Variants in PP2D1 observed in about 807,000 individuals in gnomAD.
PP2D1 encodes the protein protein phosphatase 2C like domain containing 1.
Under a neutral mutation model 30.2 loss-of-function variants are expected in PP2D1, and 25 were observed. The observed-to-expected ratio is 0.83, with a 90% CI of 0.60 to 1.16. The LOEUF (loss-of-function observed/expected upper bound fraction) is 1.16. Among genes scored for constraint, PP2D1 ranks in the 50% most tolerant of loss-of-function variants. The probability of loss-of-function intolerance (pLI) is 0.00; values close to 1 mark genes in which losing one functional copy is unlikely to be tolerated. For synonymous variants in PP2D1, 260 were observed against 258.9 expected (o/e 1.00, Z -0.04); for missense variants, 760 against 742.4 (o/e 1.02, Z -0.28).
At chr3:19,985,081 T>A (rs921316778), downstream of PP2D1, 6 of 280,362 alleles carry the variant, frequency 2.1e-5, no homozygotes, top group Admixed American at 1.4e-4. Context: ...GGAGAACTTG[T>A]ACATTTATGA....
At chr3:19,987,657 C>T (rs1234986294) in intron 2 of PP2D1, among the ~76,000 whole-genome samples, 13 of 152,090 alleles carry the variant, frequency 8.5e-5, no homozygotes, top group Admixed American at 8.5e-4. Context: ...CACCTGTAAT[C>T]GCCACTCTTT....
intron 2 of PP2D1, among the ~76,000 whole-genome samples, chr3:19,997,432 T>C (rs192480404): frequency 6.7e-4 from 102 of 151,624 alleles, no homozygotes; most frequent in African/African-American, 2.3e-3. Context: ...TGTATTTTTG[T>C]TCCCCCCAAA....
downstream of PP2D1, among the ~76,000 whole-genome samples, chr3:19,983,420 G>A (rs770275601): frequency 6.6e-6 from 1 of 151,232 alleles, no homozygotes; most frequent in Non-Finnish European, 1.5e-5. Context: ...TGAGTGAATC[G>A]GTATAGAGAA....
chr3:19,985,546 TC>T lies in PP2D1; in HGVS notation c.1726del (p.Asp576MetfsTer27). Reference protein sequence around the residue: ...KVTDRPTSVNDVATNEKESDT... With the variant: ...KVTDRPTSVNXVATNEKESDT... The stretch of plus-strand genomic sequence containing the variant: ...TGATTCTTTTTCATTTGTTGCCACA[TC>T]ATTTACACTAGTTGGTCTGTCAGTT... On this transcript the variant is annotated frameshift_variant, in exon 3 of 3. Coordinates refer to ENST00000389050, the MANE Select transcript of PP2D1 (RefSeq NM_001252657.2). LOFTEE classifies it low-confidence loss of function (END_TRUNC). 1 of 1,536,116 alleles carries T rather than the reference TC, an allele frequency of 6.5e-7. No individual in the cohort carries two copies. The highest frequency in any genetic ancestry group is 8.7e-7 in the Non-Finnish European group (1 of 1,146,866).
Position 20,001,205 on chromosome 3 carries a change from G to A in PP2D1, c.915C>T (p.Ser305=), listed in dbSNP as rs765790338. ...CAGAGCAGCCACTCCATTGAACCCT[G>A]GACACTTCTTTTCTTCCAAGACCTA... ...RLLGLGRKEV[S]RVQWSGCSAV... The change falls in exon 2 of 3, where the codon TCC becomes TCT. Residue 305 remains serine, a synonymous_variant. Coordinates refer to ENST00000389050, the MANE Select transcript of PP2D1 (RefSeq NM_001252657.2). The A allele has an allele frequency of 1.4e-4, 220 of 1,533,632 alleles. No individual in the cohort carries two copies. Among genetic ancestry groups the A allele is most frequent in the Non-Finnish European group, 1.8e-4 (211 of 1,145,908 alleles).
At chr3:19,983,792 A>T, downstream of PP2D1, 1 of 1,610,978 alleles carries the variant, frequency 6.2e-7, no homozygotes, top group Non-Finnish European at 8.5e-7. Flanking sequence ...GAACCCACAC[A>T]ACCAACCAGG....
Position 19,992,364 on chromosome 3 carries a change from G to A in PP2D1, c.1091-6182C>T, listed in dbSNP as rs1697128992. On this transcript the variant is annotated intron_variant, in intron 2 of 2. Transcript: ENST00000389050. ...CTCAGCACCACCATCAAAAAAAACG[G>A]AGAAGGGGAAGGGAAGGTATATAAA... Among the ~76,000 whole-genome samples the A allele has an allele frequency of 1.3e-5, 2 of 152,166 alleles. 1 individual carries two copies. Among genetic ancestry groups the A allele is most frequent in the South Asian group, 4.1e-4 (2 of 4,824 alleles).
downstream of PP2D1, among the ~76,000 whole-genome samples, chr3:19,981,980 C>T (rs1257158295): frequency 6.6e-6 from 1 of 152,062 alleles, no homozygotes; most frequent in Admixed American, 6.6e-5. Flanking sequence ...AGGTGGCTCA[C>T]TCCTATAATC....
intron 1 of PP2D1, among the ~76,000 whole-genome samples, chr3:20,005,450 C>A (rs1697307628): frequency 6.6e-6 from 1 of 152,132 alleles, no homozygotes; most frequent in African/African-American, 2.4e-5. Context: ...CTGTGCCCAG[C>A]CATAAATATT....
intron 1 of PP2D1, among the ~76,000 whole-genome samples, chr3:20,002,960 C>G (rs762972794): frequency 2.6e-5 from 4 of 151,888 alleles, no homozygotes; most frequent in Non-Finnish European, 4.4e-5. Context: ...GAGGCTGAGG[C>G]AGGAGAATTG....
At chr3:19,985,306 AATC>A (rs1697011525), downstream of PP2D1, 1 of 1,040,072 alleles carries the variant, frequency 9.6e-7, no homozygotes, top group Admixed American at 2.8e-5. Flanking sequence ...GGTATTGATG[AATC>A]ATCCTAATAG....
chr3:19,985,348 TTGGTGCTC>T lies in PP2D1; in HGVS notation c.*24_*31del. The T allele has an allele frequency of 2.2e-6, 3 of 1,387,018 alleles. No individual in the cohort carries two copies. Among genetic ancestry groups the T allele is most frequent in the South Asian group, 2.7e-5 (2 of 73,358 alleles). 85.9% of individuals were successfully genotyped at this position (1,387,018 alleles called of 1,614,324 possible). On this transcript the variant is annotated 3_prime_UTR_variant, in exon 3 of 3. Coordinates refer to ENST00000389050, the MANE Select transcript of PP2D1 (RefSeq NM_001252657.2). ...GATCATTGAAGAATCACTTTATATT[TTGGTGCTC>T]TGGATAATTGGAACTTTATTTTTTT...
downstream of PP2D1, chr3:19,984,290 C>A: frequency 2.3e-6 from 1 of 429,846 alleles, no homozygotes; most frequent in Non-Finnish European, 4.6e-6. Flanking sequence ...TTCATTTCTC[C>A]TGGTACCTGT....
chr3:19,982,184 G>C (rs1287664039), downstream of PP2D1, among the ~76,000 whole-genome samples: 4 of 152,128 alleles, frequency 2.6e-5, no homozygotes, highest in Non-Finnish European at 5.9e-5. Context: ...GCTGCAGTGA[G>C]CTATGATTGA....
At chr3:19,988,920 A>C (rs910582247) in intron 2 of PP2D1, among the ~76,000 whole-genome samples, 1 of 152,058 alleles carries the variant, frequency 6.6e-6, no homozygotes, top group South Asian at 2.1e-4. Context: ...CAGGAGGTGG[A>C]GGTTGCAGTA....
chr3:19,995,197 C>A (rs768757757), intron 2 of PP2D1, among the ~76,000 whole-genome samples: 8 of 152,136 alleles, frequency 5.3e-5, no homozygotes, highest in Non-Finnish European at 2.9e-5. Context: ...CACCCACAAC[C>A]TGTCAATGTG....
rs748454348 is a variant in PP2D1 at position 20,001,719 on chromosome 3, G to A, written c.401C>T (p.Ala134Val). Reference protein sequence around the residue: ...TEKTLQSINNAFELLWKKQIP... With the variant: ...TEKTLQSINNVFELLWKKQIP... ...TTGTTTTTTCCAAAGCAGCTCAAAAGCATTATTAATGCTCTGTAGGGTTTT... is the reference window on the plus strand; with the variant it reads ...TTGTTTTTTCCAAAGCAGCTCAAAAACATTATTAATGCTCTGTAGGGTTTT... The change falls in exon 2 of 3, where the codon GCT (alanine) becomes GTT (valine). Residue 134 changes from alanine (A) to valine (V), a missense_variant. Coordinates refer to ENST00000389050, the MANE Select transcript of PP2D1 (RefSeq NM_001252657.2). 18 of 1,532,766 alleles carry A rather than the reference G, an allele frequency of 1.2e-5. No individual in the cohort carries two copies. The South Asian group carries it at 1.8e-4, about 15-fold the overall frequency. 94.9% of individuals were successfully genotyped at this position (1,532,766 alleles called of 1,614,324 possible).
At chr3:19,984,257 T>C (rs1308017857), downstream of PP2D1, 1 of 431,148 alleles carries the variant, frequency 2.3e-6, no homozygotes, top group Non-Finnish European at 4.5e-6. Flanking sequence ...TTATGATGCT[T>C]AGCCATAGTA....
At chr3:20,002,694 C>A (rs562580559) in intron 1 of PP2D1, among the ~76,000 whole-genome samples, 52 of 152,160 alleles carry the variant, frequency 3.4e-4, no homozygotes, top group Non-Finnish European at 5.6e-4. Context: ...CCGAAGTGGG[C>A]GGATCACTTG....
Sources: gnomAD v4.1 joint callset for allele counts (sites outside exome capture counted in the v4.1 genomes callset) on GRCh38, gnomAD v4.1.1 for gene constraint, MANE v1.5 for transcripts, NCBI Gene and HGNC (gene_info 2026-07-23, HGNC 2026-07-21) for gene names.